The following PREX1 variants were observed in gnomAD, a reference collection of about 807,000 sequenced individuals.
PREX1 encodes the protein phosphatidylinositol-3,4,5-trisphosphate dependent Rac exchange factor 1.
Under a neutral mutation model 198.3 loss-of-function variants are expected in PREX1, and 41 were observed. The observed-to-expected ratio is 0.21, with a 90% CI of 0.16 to 0.27. PREX1 has a LOEUF of 0.27. PREX1 is among the 10% of genes least tolerant of loss of function. PREX1 has a pLI of 1.00. For missense variants in PREX1, 1,620 were observed against 2,200.7 expected (o/e 0.74, Z 5.28); for synonymous variants, 843 against 887.2 (o/e 0.95, Z 0.89).
chr20:48,763,627 C>A (rs1461753514), intron 1 of PREX1, among the ~76,000 whole-genome samples: 1 of 152,192 alleles, frequency 6.6e-6, no homozygotes, highest in East Asian at 1.9e-4. Flanking sequence ...CGAGCAGTCC[C>A]CCCTTAGCTG....
the PREX1 span, among the ~76,000 whole-genome samples, chr20:48,844,139 C>CA: frequency 0.17 from 25,226 of 150,990 alleles, 2,210 homozygotes; most frequent in Non-Finnish European, 0.19. Context: ...GACCCTGTCT[C>CA]AAAAAAAAAT....
the PREX1 span, among the ~76,000 whole-genome samples, chr20:48,866,797 C>T: frequency 1.3e-5 from 2 of 152,080 alleles, no homozygotes; most frequent in African/African-American, 2.4e-5. Context: ...AGTATGGTGG[C>T]ACTTGCCTAT....
At chr20:48,757,936 C>T (rs1367481893) in intron 1 of PREX1, among the ~76,000 whole-genome samples, 1 of 152,220 alleles carries the variant, frequency 6.6e-6, no homozygotes, top group Non-Finnish European at 1.5e-5. Flanking sequence ...TCAACTCTGC[C>T]TGTGGCTATG....
intron 25 of PREX1, among the ~76,000 whole-genome samples, chr20:48,647,302 C>T (rs375274656): frequency 9.9e-5 from 15 of 152,192 alleles, no homozygotes; most frequent in East Asian, 7.7e-4. Context: ...GCGGGTGGGT[C>T]ACGAGATCAA....
At chr20:48,739,604 C>T (rs2090072113) in intron 3 of PREX1, among the ~76,000 whole-genome samples, 1 of 152,146 alleles carries the variant, frequency 6.6e-6, no homozygotes. Flanking sequence ...TTAAATTACC[C>T]TCTGTTTCTC....
At chr20:48,748,562 C>G (rs1053870269) in intron 1 of PREX1, among the ~76,000 whole-genome samples, 4 of 152,082 alleles carry the variant, frequency 2.6e-5, no homozygotes, top group Non-Finnish European at 5.9e-5. Context: ...TAATATAGCT[C>G]AGAGATCCTT....
At chr20:48,745,932 A>T (rs2090105635) in intron 2 of PREX1, among the ~76,000 whole-genome samples, 1 of 152,238 alleles carries the variant, frequency 6.6e-6, no homozygotes, top group South Asian at 2.1e-4. Flanking sequence ...CCTGCAATGT[A>T]CAGGACAGAC....
intron 12 of PREX1, 58 bp from the exon 13 acceptor site, chr20:48,679,467 A>C (rs2089733021): frequency 6.4e-7 from 1 of 1,555,142 alleles, no homozygotes; most frequent in South Asian, 1.1e-5. Flanking sequence ...CGAGCCTCCA[A>C]ATCCAGGCTG....
chr20:48,694,132 G>A (rs950748625), intron 7 of PREX1, among the ~76,000 whole-genome samples: 2 of 151,796 alleles, frequency 1.3e-5, no homozygotes, highest in Admixed American at 6.6e-5. Context: ...GGCTGGTCTC[G>A]AACTCCTGAC....
At chr20:48,806,136 T>C (rs985252215) in intron 1 of PREX1, among the ~76,000 whole-genome samples, 37 of 152,280 alleles carry the variant, frequency 2.4e-4, no homozygotes, top group African/African-American at 8.7e-4. Flanking sequence ...TCCTCCCCAG[T>C]TGTGACAACC....
At chr20:48,817,848 A>G (rs1078624) in intron 1 of PREX1, among the ~76,000 whole-genome samples, 49,438 of 152,156 alleles carry the variant, frequency 0.32, 8,255 homozygotes, top group African/African-American at 0.36. Context: ...TCTACTATGT[A>G]GCAGGCATTG....
intron 1 of PREX1, among the ~76,000 whole-genome samples, chr20:48,785,628 C>G (rs1264811649): frequency 6.6e-6 from 1 of 152,208 alleles, no homozygotes; most frequent in Non-Finnish European, 1.5e-5. Context: ...AGGGACACCC[C>G]CTCTCACCCT....
intron 17 of PREX1, among the ~76,000 whole-genome samples, chr20:48,657,881 C>A (rs905097570): frequency 2.6e-5 from 4 of 152,228 alleles, no homozygotes; most frequent in African/African-American, 9.6e-5. Flanking sequence ...TCCTGTACCT[C>A]CCCACAATGT....
At chr20:48,656,347 G>A in intron 18 of PREX1, 1 of 394,348 alleles carries the variant, frequency 2.5e-6, no homozygotes, top group Non-Finnish European at 5.1e-6. Context: ...CTGACAATCT[G>A]AGCTCCACTT....
At chr20:48,700,349 C>T (rs1239552634) in intron 7 of PREX1, among the ~76,000 whole-genome samples, 3 of 152,160 alleles carry the variant, frequency 2.0e-5, no homozygotes, top group African/African-American at 7.2e-5. Context: ...TCCAAACGTA[C>T]CCACGACAAA....
intron 5 of PREX1, among the ~76,000 whole-genome samples, chr20:48,714,460 T>C (rs1334926685): frequency 6.6e-6 from 1 of 152,128 alleles, no homozygotes; most frequent in African/African-American, 2.4e-5. Flanking sequence ...GCATAGGACT[T>C]GAACAGACAT....
At chr20:48,642,304 C>G (rs368057377) in intron 28 of PREX1, 46 bp from the exon 29 acceptor site, 14 of 1,606,068 alleles carry the variant, frequency 8.7e-6, no homozygotes, top group Non-Finnish European at 1.2e-5. Flanking sequence ...CGTGGCCCTA[C>G]ACACTGCAGA....
intron 1 of PREX1, among the ~76,000 whole-genome samples, chr20:48,823,232 CCAACTCCCA>C (rs1600537297): frequency 6.6e-6 from 1 of 152,128 alleles, no homozygotes; most frequent in Non-Finnish European, 1.5e-5. Context: ...GAGCTGCTGA[CCAACTCCCA>C]CCCACCGGCC....
At chr20:48,809,064 C>T (rs2090423872) in intron 1 of PREX1, among the ~76,000 whole-genome samples, 1 of 152,198 alleles carries the variant, frequency 6.6e-6, no homozygotes, top group South Asian at 2.1e-4. Context: ...GAACACCTTC[C>T]CCACCAGGTT....
Sources: allele counts gnomAD v4.1 joint callset (sites outside exome capture counted in the v4.1 genomes callset), GRCh38; gene constraint gnomAD v4.1.1; transcripts MANE v1.5; gene names NCBI Gene and HGNC (gene_info 2026-07-23, HGNC 2026-07-21).